Variants in RBL1 observed in about 807,000 individuals in gnomAD.
RBL1 encodes retinoblastoma-like protein 1.
In RBL1, 82 loss-of-function variants were observed where a neutral mutation model predicts 123.0. The ratio of observed to expected loss-of-function variants is 0.67; its 90% CI spans 0.56 to 0.80. RBL1 has a LOEUF of 0.80. Ranked by LOEUF, RBL1 falls within the 30% of genes least tolerant of loss-of-function variation. The pLI, the probability that RBL1 is intolerant of heterozygous loss-of-function variation, is 0.00. For missense variants in RBL1, 1,171 were observed against 1,299.6 expected (o/e 0.90, Z 1.52); for synonymous variants, 405 against 441.3 (o/e 0.92, Z 1.03).
chr20:37,024,120 A>T (rs1187899498), intron 16 of RBL1, among the ~76,000 whole-genome samples: 1 of 152,100 alleles, frequency 6.6e-6, no homozygotes, highest in Non-Finnish European at 1.5e-5. Flanking sequence ...TGGAAAAAAA[A>T]AGTTACCCCT....
chr20:37,087,658 T>C (rs1175810957), intron 2 of RBL1, among the ~76,000 whole-genome samples: 1 of 151,982 alleles, frequency 6.6e-6, no homozygotes, highest in Non-Finnish European at 1.5e-5. Flanking sequence ...AATGGTAATG[T>C]CATAAAAGAA....
In RBL1 at chr20:37,077,787, G is replaced by GAAAA. The variant is rs147186219; in HGVS notation, c.291-9605_291-9602dup. Among the ~76,000 whole-genome samples the GAAAA allele has an allele frequency of 4.2e-3, 496 of 117,906 alleles. 7 individuals are homozygous for GAAAA. The highest frequency in any genetic ancestry group is 0.035 in the East Asian group (163 of 4,598). The allele number at this position is 117,906 out of a possible 152,430, so 77.4% of individuals were successfully genotyped here. On this transcript the variant is annotated intron_variant, in intron 2 of 21. Coordinates refer to ENST00000373664, the MANE Select transcript of RBL1 (RefSeq NM_002895.5). ...AAAAATACTTCAGTTTCTATTTTCT[G>GAAAA]AAAAAAAAAAAAAAAAATTCTCTTA... is the stretch of plus-strand genomic sequence containing the variant.
At chr20:37,016,251 C>A (rs1248184863) in intron 19 of RBL1, among the ~76,000 whole-genome samples, 1 of 152,002 alleles carries the variant, frequency 6.6e-6, no homozygotes, top group Non-Finnish European at 1.5e-5. Flanking sequence ...TGGTCTCGAA[C>A]TCCTGACCTC....
chr20:37,073,504 C>T (rs574239430), intron 2 of RBL1, among the ~76,000 whole-genome samples: 2 of 150,566 alleles, frequency 1.3e-5, no homozygotes, highest in East Asian at 3.9e-4. Context: ...TTGAGACCAG[C>T]CTGGGCAACA....
At chr20:37,030,998 A>T (rs942158103) in intron 16 of RBL1, among the ~76,000 whole-genome samples, 4 of 152,130 alleles carry the variant, frequency 2.6e-5, no homozygotes, top group African/African-American at 9.7e-5. Flanking sequence ...GTGAGCTGTG[A>T]CTGCGTGACT....
Position 37,055,577 on chromosome 20 carries a change from T to C in RBL1, c.1443A>G (p.Arg481=). The change falls in exon 11 of 22, where the codon CGA becomes CGG. Residue 481 remains arginine, a synonymous_variant. Coordinates refer to ENST00000373664, the MANE Select transcript of RBL1 (RefSeq NM_002895.5). ...CTGACATGTCCATTCCATGAAGTCT[T>C]CGTGTTTCCTGAACCATTACAGTCT... ...ILETVMVQET[R]RLHGMDMSVL... is the part of the protein sequence containing the mutation. The C allele has an allele frequency of 6.2e-7, 1 of 1,614,190 alleles. No homozygotes were observed. The highest frequency in any genetic ancestry group is 8.5e-7 in the Non-Finnish European group (1 of 1,180,036).
chr20:37,088,720 G>A (rs1247278952), intron 2 of RBL1, among the ~76,000 whole-genome samples: 5 of 151,414 alleles, frequency 3.3e-5, no homozygotes, highest in Admixed American at 2.6e-4. Context: ...AAAATTAGCC[G>A]GGCTTGGTGG....
At chr20:37,038,366 A>G (rs1568846865) in intron 14 of RBL1, among the ~76,000 whole-genome samples, 1 of 144,228 alleles carries the variant, frequency 6.9e-6, no homozygotes, top group Non-Finnish European at 1.5e-5. Flanking sequence ...CAATGGCACG[A>G]TCTTTGCTCA....
intron 19 of RBL1, among the ~76,000 whole-genome samples, chr20:37,011,883 G>GTCTCCC (rs1434214395): frequency 6.6e-6 from 1 of 151,710 alleles, no homozygotes; most frequent in African/African-American, 2.4e-5. Flanking sequence ...TCTCCCCACG[G>GTCTCCC]TCTCCCTCTC....
intron 2 of RBL1, among the ~76,000 whole-genome samples, chr20:37,075,199 C>G (rs1275352825): frequency 6.6e-6 from 1 of 152,010 alleles, no homozygotes; most frequent in Non-Finnish European, 1.5e-5. Flanking sequence ...CTGCCAAGAG[C>G]TGGGTGTGGG....
chr20:37,064,074 T>C (rs2065139720), intron 7 of RBL1, among the ~76,000 whole-genome samples: 1 of 151,100 alleles, frequency 6.6e-6, no homozygotes, highest in Admixed American at 6.6e-5. Context: ...CTGGCTGCCT[T>C]GGCCTTCCAA....
In RBL1 at chr20:37,058,115, TA is replaced by T. The variant is rs766773271; in HGVS notation, c.1251-1858del. On this transcript the variant is annotated intron_variant, in intron 9 of 21. Transcript: ENST00000373664. ...TGGGCAACAAGGGCGAAACTCTGTC[TA>T]AAAAAAAAAAAAACAAAACAAAACA... Among the ~76,000 whole-genome samples, 204 of 78,376 alleles carry T rather than the reference TA, an allele frequency of 2.6e-3. 3 individuals carry two copies. Among genetic ancestry groups the T allele is most frequent in the African/African-American group, 5.9e-3 (141 of 23,776 alleles). The allele number at this position is 78,376 out of a possible 152,430, so 51.4% of individuals were successfully genotyped here.
chr20:37,069,295 G>A (rs1305130093), intron 2 of RBL1, among the ~76,000 whole-genome samples: 3 of 152,024 alleles, frequency 2.0e-5, no homozygotes, highest in African/African-American at 7.2e-5. Context: ...CTGCCTGGCC[G>A]CCCATCGTCT....
chr20:37,044,283 T>C, intron 12 of RBL1, 33 bp from the exon 13 acceptor site: 3 of 1,608,526 alleles, frequency 1.9e-6, no homozygotes, highest in Non-Finnish European at 2.5e-6. Context: ...GCAATGTGGT[T>C]TCAAGCAGTT....
intron 21 of RBL1, among the ~76,000 whole-genome samples, chr20:37,001,884 T>A (rs1600434111): frequency 2.3e-5 from 3 of 127,844 alleles, no homozygotes; most frequent in Admixed American, 1.8e-4. Flanking sequence ...GTCCATGAGG[T>A]AGAGTTGAAT....
Position 37,018,359 on chromosome 20 carries a change from C to G in RBL1, c.2642G>C (p.Ser881Thr). 6.2e-7 allele frequency: 1 copy of G among 1,610,608 alleles called. No homozygotes were observed. The highest frequency in any genetic ancestry group is 1.1e-5 in the South Asian group (1 of 90,164). Residue 881 changes from serine to threonine, a missense_variant, in exon 19 of 22, where the codon AGT (serine) becomes ACT (threonine). Transcript: ENST00000373664. ...TCTTGGAATACTTTTCAGCAGAACA[C>G]TTCTATATACCTACATGCCAGAGGG... ...QPQANSHVYR[S>T]VLLKSIPREV...
At chr20:37,012,188 G>A (rs1207086689) in intron 19 of RBL1, among the ~76,000 whole-genome samples, 1 of 152,262 alleles carries the variant, frequency 6.6e-6, no homozygotes, top group African/African-American at 2.4e-5. Context: ...AGGCTGGAGT[G>A]CAGTGGCGTG....
At chr20:37,090,994 A>T (rs1307889900) in intron 1 of RBL1, among the ~76,000 whole-genome samples, 1 of 152,220 alleles carries the variant, frequency 6.6e-6, no homozygotes, top group African/African-American at 2.4e-5. Flanking sequence ...ATTAGACTTC[A>T]GACATCTCCA....
intron 17 of RBL1, 46 bp downstream of exon 17, chr20:37,022,604 C>A (rs375179098): frequency 6.5e-7 from 1 of 1,536,114 alleles, no homozygotes. Context: ...TAGGATTATA[C>A]GTGTGAGCCA....
Sources: gnomAD v4.1 joint callset for allele counts (sites outside exome capture counted in the v4.1 genomes callset) on GRCh38, gnomAD v4.1.1 for gene constraint, MANE v1.5 for transcripts, NCBI Gene and HGNC (gene_info 2026-07-23, HGNC 2026-07-21) for gene names.